Variants in PLPPR1 observed in about 807,000 individuals in gnomAD.
The protein encoded by PLPPR1 is phospholipid phosphatase related 1, also known as phospholipid phosphatase-related protein type 1.
In PLPPR1, 10 loss-of-function variants were observed where a neutral mutation model predicts 33.1. That is an observed-to-expected ratio of 0.30 (90% CI 0.19 to 0.51). PLPPR1 has a LOEUF of 0.51. Ranked by LOEUF, PLPPR1 falls within the 20% of genes least tolerant of loss-of-function variation. The pLI is 0.97. For synonymous variants in PLPPR1, 151 were observed against 151.0 expected, an observed-to-expected ratio of 1.00 and a Z score of 0.00; for missense variants, 304 against 408.1, an observed-to-expected ratio of 0.74 and a Z score of 2.20.
intron 1 of PLPPR1, among the ~76,000 whole-genome samples, chr9:101,173,844 A>G (rs1429672119): frequency 2.0e-5 from 3 of 152,116 alleles, no homozygotes; most frequent in Admixed American, 2.0e-4. Flanking sequence ...TACTATTGGC[A>G]TTTTGAGGAT....
chr9:101,072,375 G>A (rs1332910726), intron 1 of PLPPR1, among the ~76,000 whole-genome samples: 1 of 152,064 alleles, frequency 6.6e-6, no homozygotes, highest in African/African-American at 2.4e-5. Flanking sequence ...AGGATTCTAT[G>A]GACCATCCAG....
intron 4 of PLPPR1, among the ~76,000 whole-genome samples, chr9:101,305,320 C>G (rs2118948458): frequency 6.6e-6 from 1 of 152,258 alleles, no homozygotes; most frequent in Middle Eastern, 3.4e-3. Flanking sequence ...CCCTCTCACT[C>G]ATCCTCCCTT....
intron 3 of PLPPR1, among the ~76,000 whole-genome samples, chr9:101,283,409 G>GA (rs1170283890): frequency 6.6e-6 from 1 of 152,172 alleles, no homozygotes; most frequent in Non-Finnish European, 1.5e-5. Context: ...CACCCAATGG[G>GA]AAAAGGTCAG....
rs543106187 is a variant in PLPPR1 at position 101,097,321 on chromosome 9, G to A, written c.-46+68219G>A. On this transcript the variant is annotated intron_variant, in intron 1 of 7. Coordinates refer to ENST00000374874, the MANE Select transcript of PLPPR1 (RefSeq NM_207299.2). ...TAAGTATGTGTAACACCTGCATGTA[G>A]CACCCAAGTGAACTGATTAACATCT... Among the ~76,000 whole-genome samples, 3 of 152,304 alleles carry A rather than the reference G, an allele frequency of 2.0e-5. No homozygotes were observed. The East Asian group carries it at 5.8e-4, about 29-fold the overall frequency.
intron 2 of PLPPR1, among the ~76,000 whole-genome samples, chr9:101,219,468 T>A (rs544244990): frequency 6.6e-6 from 1 of 152,364 alleles, no homozygotes; most frequent in Admixed American, 6.5e-5. Flanking sequence ...TCTGTTAGAC[T>A]GAACTAGGCA....
At chr9:101,321,594 A>G (rs973093896) in intron 7 of PLPPR1, among the ~76,000 whole-genome samples, 2 of 152,104 alleles carry the variant, frequency 1.3e-5, no homozygotes, top group Admixed American at 1.3e-4. Flanking sequence ...TACATGAGCA[A>G]TCAGCTGAGT....
chr9:101,170,856 C>CT (rs1468941529), intron 1 of PLPPR1, among the ~76,000 whole-genome samples: 2 of 152,212 alleles, frequency 1.3e-5, no homozygotes, highest in East Asian at 3.9e-4. Flanking sequence ...AGGAGGATGA[C>CT]TTGAACCAGG....
At chr9:101,294,002 A>C (rs1311520152) in intron 4 of PLPPR1, among the ~76,000 whole-genome samples, 1 of 152,202 alleles carries the variant, frequency 6.6e-6, no homozygotes, top group African/African-American at 2.4e-5. Context: ...TCAAAAAATT[A>C]ATGAATCCAG....
At chr9:101,135,084 A>G (rs1350343694) in intron 1 of PLPPR1, among the ~76,000 whole-genome samples, 1 of 152,170 alleles carries the variant, frequency 6.6e-6, no homozygotes, top group Non-Finnish European at 1.5e-5. Flanking sequence ...CTCCCTGGCT[A>G]GTGAACTTGC....
intron 1 of PLPPR1, among the ~76,000 whole-genome samples, chr9:101,176,031 T>C (rs1390902823): frequency 6.6e-6 from 1 of 152,200 alleles, no homozygotes; most frequent in African/African-American, 2.4e-5. Flanking sequence ...CTCAGGTGTC[T>C]CAGACCTGAT....
intron 1 of PLPPR1, among the ~76,000 whole-genome samples, chr9:101,079,842 G>C (rs1830596955): frequency 6.6e-6 from 1 of 152,110 alleles, no homozygotes; most frequent in African/African-American, 2.4e-5. Flanking sequence ...CCTCCCAAGT[G>C]CTGGGATTAC....
chr9:101,227,403 T>C (rs1319513515), intron 2 of PLPPR1, among the ~76,000 whole-genome samples: 3 of 152,120 alleles, frequency 2.0e-5, no homozygotes, highest in Admixed American at 2.0e-4. Context: ...TAATGATGAG[T>C]GATGTTGAAC....
chr9:101,287,546 G>C (rs1828414873), intron 4 of PLPPR1, among the ~76,000 whole-genome samples: 1 of 152,148 alleles, frequency 6.6e-6, no homozygotes, highest in African/African-American at 2.4e-5. Flanking sequence ...CTCTCCCCAG[G>C]CTGGAGTGCA....
At chr9:101,093,251 G>A (rs79784417) in intron 1 of PLPPR1, among the ~76,000 whole-genome samples, 8,134 of 152,204 alleles carry the variant, frequency 0.053, 393 homozygotes, top group African/African-American at 0.12. Context: ...TGGGAATGCT[G>A]AAACTTCCCT....
intron 3 of PLPPR1, among the ~76,000 whole-genome samples, chr9:101,282,429 A>C (rs1392774291): frequency 6.6e-6 from 1 of 152,210 alleles, no homozygotes; most frequent in Non-Finnish European, 1.5e-5. Context: ...AATAGAGGCC[A>C]TATGTGGTAA....
intron 2 of PLPPR1, among the ~76,000 whole-genome samples, chr9:101,194,002 C>T (rs1194736699): frequency 6.6e-6 from 1 of 152,078 alleles, no homozygotes; most frequent in Non-Finnish European, 1.5e-5. Context: ...TACAATCTGC[C>T]CTCCTTTAAG....
intron 1 of PLPPR1, among the ~76,000 whole-genome samples, chr9:101,159,624 T>C (rs1331056798): frequency 2.6e-5 from 4 of 152,204 alleles, no homozygotes; most frequent in Non-Finnish European, 5.9e-5. Flanking sequence ...AATAAGAGTT[T>C]GTAGAACAAA....
chr9:101,197,681 G>T (rs1352154147), intron 2 of PLPPR1, among the ~76,000 whole-genome samples: 2 of 152,192 alleles, frequency 1.3e-5, no homozygotes, highest in East Asian at 3.9e-4. Flanking sequence ...GTTTCTGGGT[G>T]TTGGGATTAA....
chr9:101,187,115 G>A (rs914491731), intron 2 of PLPPR1, among the ~76,000 whole-genome samples: 3 of 151,874 alleles, frequency 2.0e-5, no homozygotes, highest in South Asian at 4.1e-4. Context: ...AAGTTAGAAG[G>A]TAAAATAACA....
Sources: gnomAD v4.1 joint callset for allele counts (sites outside exome capture counted in the v4.1 genomes callset) on GRCh38, gnomAD v4.1.1 for gene constraint, MANE v1.5 for transcripts, NCBI Gene and HGNC (gene_info 2026-07-23, HGNC 2026-07-21) for gene names.